MAPK12: variants seen among roughly 807,000 people sequenced by gnomAD.
MAPK12 encodes mitogen-activated protein kinase 12, also known as MAP kinase 12.
MAPK12 carries 49 observed loss-of-function variants against 49.1 expected under a neutral mutation model. That is an observed-to-expected ratio of 1.00 (90% CI 0.79 to 1.27). The LOEUF is 1.27. Among genes scored for constraint, MAPK12 ranks in the 50% most tolerant of loss-of-function variants. The pLI is 0.00. For missense variants in MAPK12, 554 were observed against 502.4 expected, an observed-to-expected ratio of 1.10 and a Z score of -0.98; for synonymous variants, 251 against 209.7, an observed-to-expected ratio of 1.20 and a Z score of -1.70.
intron 5 of MAPK12, 66 bp downstream of exon 5, chr22:50,256,869 G>A (rs1451273495): frequency 9.5e-6 from 15 of 1,577,560 alleles, no homozygotes; most frequent in African/African-American, 1.3e-5. Flanking sequence ...CCTCACAGGT[G>A]GGACGTGGAG....
chr22:50,257,775 C>T (rs1487199318), intron 3 of MAPK12: 6 of 698,254 alleles, frequency 8.6e-6, no homozygotes, highest in East Asian at 5.4e-5. Context: ...AGGCCTTCCT[C>T]GGCCTGGCCC....
intron 2 of MAPK12, among the ~76,000 whole-genome samples, chr22:50,259,161 C>T (rs1417916219): frequency 1.3e-5 from 2 of 152,140 alleles, no homozygotes; most frequent in Non-Finnish European, 2.9e-5. Context: ...AGAATGGACA[C>T]AAGCTGGAAG....
At chr22:50,256,753 G>A in intron 5 of MAPK12, 107 bp from the exon 6 acceptor site, 3 of 1,523,008 alleles carry the variant, frequency 2.0e-6, no homozygotes, top group Non-Finnish European at 2.6e-6. Flanking sequence ...TGGCCCCCTT[G>A]CTCTCTGCAG....
intron 6 of MAPK12, 44 bp downstream of exon 6, chr22:50,256,555 G>A (rs760846615): frequency 6.3e-7 from 1 of 1,595,752 alleles, no homozygotes; most frequent in Non-Finnish European, 8.5e-7. Context: ...GATCCAGAGG[G>A]GGCCCCTGCC....
intron 2 of MAPK12, among the ~76,000 whole-genome samples, chr22:50,259,856 C>T (rs2065192314): frequency 6.6e-6 from 1 of 151,264 alleles, no homozygotes; most frequent in South Asian, 2.1e-4. Flanking sequence ...TGCACTCCAG[C>T]CTGGGCAACA....
chr22:50,253,543 G>GAGTC (rs1469879350), intron 11 of MAPK12, 63 bp from the exon 12 acceptor site: 1 of 848,150 alleles, frequency 1.2e-6, no homozygotes, highest in East Asian at 2.6e-5. Context: ...TCCATCCTGG[G>GAGTC]AGTCGCTCAC....
rs780286516 is a variant in MAPK12 at position 50,261,210 on chromosome 22, G to C, written c.212C>G (p.Ala71Gly). ...PFQSELFAKRAYRELRLLKHM... is the reference protein window; with the variant it reads ...PFQSELFAKRGYRELRLLKHM... Reference sequence around the variant, plus strand: ...CTTGAGCAGGCGCAGCTCGCGGTAGGCGCGCTTGGCGAACAGCTCGGACTG... The same window carrying C: ...CTTGAGCAGGCGCAGCTCGCGGTAGCCGCGCTTGGCGAACAGCTCGGACTG... Residue 71 changes from alanine (A) to glycine (G), a missense_variant, in exon 2 of 12, where the codon GCC (alanine) becomes GGC (glycine). Transcript: ENST00000215659. 32 of 1,590,826 alleles carry C rather than the reference G, an allele frequency of 2.0e-5. No homozygotes were observed. The South Asian group carries it at 3.6e-4, about 18-fold the overall frequency.
chr22:50,255,278 G>T lies in MAPK12; in HGVS notation c.943C>A (p.His315Asn), dbSNP rs770945104. ...ALAHPYFESL[H>N]DTEDEPQVQK... ...ACCTGGGGCTCATCTTCCGTGTCGT[G>T]CAGGGACTCGAAGTAGGGATGGGCC... is the stretch of plus-strand genomic sequence containing the variant. Residue 315 changes from histidine to asparagine, a missense_variant, in exon 11 of 12, where the codon CAC becomes AAC. By Grantham distance (68) the His-to-Asn change is moderately conservative. Coordinates refer to ENST00000215659, the MANE Select transcript of MAPK12 (RefSeq NM_002969.6). 1 of 1,613,688 alleles carries T rather than the reference G, an allele frequency of 6.2e-7. No homozygotes were observed. Among genetic ancestry groups the T allele is most frequent in the African/African-American group, 1.3e-5 (1 of 74,928 alleles).
At position 50,256,199 on chromosome 22, in the gene MAPK12, T is replaced by C. The variant is rs373887039; in HGVS notation, c.505A>G (p.Ile169Val). The change falls in exon 7 of 12, where the codon ATC becomes GTC. Residue 169 changes from isoleucine to valine, a missense_variant and splice_region_variant. Physicochemically the swap from Ile to Val is conservative, Grantham distance 29. Transcript: ENST00000215659. ...LAVNEDCELK[I>V]LDFGLARQAD... ...TGCCTGGCCAGGCCGAAGTCCAGGA[T>C]CTGTGGGAAGAATTGGGGAGGTGGG... The C allele has an allele frequency of 1.9e-6, 3 of 1,610,852 alleles. No homozygotes were observed. The highest frequency in any genetic ancestry group is 2.5e-6 in the Non-Finnish European group (3 of 1,178,404).
intron 11 of MAPK12, 184 bp downstream of exon 11, chr22:50,255,013 C>G: frequency 6.8e-7 from 1 of 1,476,578 alleles, no homozygotes; most frequent in Non-Finnish European, 9.0e-7. Flanking sequence ...GGATGGGGAT[C>G]TAGGACTCTG....
At position 50,255,805 on chromosome 22, in the gene MAPK12, G is replaced by A; in HGVS notation, c.691+5C>T. Reference sequence around the variant, plus strand: ...CCCTGGTGCCGCCCTGCGGCTGGAGGATACGGTCGCTGCCCTTGAACAGCG... The same window carrying A: ...CCCTGGTGCCGCCCTGCGGCTGGAGAATACGGTCGCTGCCCTTGAACAGCG... On this transcript the variant is annotated splice_donor_5th_base_variant and intron_variant, in intron 8 of 11. Coordinates refer to ENST00000215659, the MANE Select transcript of MAPK12 (RefSeq NM_002969.6). 4 of 1,612,610 alleles carry A rather than the reference G, an allele frequency of 2.5e-6. No individual in the cohort carries two copies. The highest frequency in any genetic ancestry group is 3.4e-6 in the Non-Finnish European group (4 of 1,179,988).
In MAPK12 at chr22:50,258,226, C is replaced by T. The variant is rs778749485; in HGVS notation, c.314+17G>A. 2 of 1,612,866 alleles carry T rather than the reference C, an allele frequency of 1.2e-6. No individual in the cohort carries two copies. The highest frequency in any genetic ancestry group is 3.3e-5 in the Admixed American group (2 of 60,028). On this transcript the variant is annotated intron_variant, in intron 3 of 11. Coordinates refer to ENST00000215659, the MANE Select transcript of MAPK12 (RefSeq NM_002969.6). ...AACACCCCTCGTGCCCAGCGGCCAG[C>T]CCAGGTCGGCACTCACAAGTCCGTG...
chr22:50,259,653 C>A (rs573248698), intron 2 of MAPK12, among the ~76,000 whole-genome samples: 2 of 152,046 alleles, frequency 1.3e-5, no homozygotes, highest in Non-Finnish European at 2.9e-5. Flanking sequence ...GAAGCCGAGG[C>A]GAGCAGATCA....
chr22:50,253,360 G>T lies in MAPK12; in HGVS notation c.*41C>A. 7.1e-7 allele frequency: 1 copy of T among 1,404,404 alleles called. No homozygotes were observed. Among genetic ancestry groups the T allele is most frequent in the Non-Finnish European group, 9.9e-7 (1 of 1,013,906 alleles). The allele number at this position is 1,404,404 out of a possible 1,614,324, so 87.0% of individuals were successfully genotyped here. On this transcript the variant is annotated 3_prime_UTR_variant, in exon 12 of 12. Transcript: ENST00000215659. ...ACGAGAGTCCCCTCTCAGGTGGAAG[G>T]TGAAGGTGGTCCTCACTGCCACCCC... is the stretch of plus-strand genomic sequence containing the variant.
intron 2 of MAPK12, among the ~76,000 whole-genome samples, chr22:50,258,657 G>T (rs1196426133): frequency 6.6e-6 from 1 of 152,258 alleles, no homozygotes; most frequent in East Asian, 1.9e-4. Flanking sequence ...ACAGATCCAG[G>T]CCCAGGGTGG....
In MAPK12 at chr22:50,258,582, A is replaced by T. The variant is rs567950851; in HGVS notation, c.256-281T>A. Among the ~76,000 whole-genome samples, 4 of 152,348 alleles carry T rather than the reference A, an allele frequency of 2.6e-5. No individual in the cohort carries two copies. The East Asian group carries it at 5.8e-4, about 22-fold the overall frequency. On this transcript the variant is annotated intron_variant, in intron 2 of 11. Transcript: ENST00000215659. ...GGGGAGGGGCAACCCGGAGTCTGGG[A>T]TGGCTCCGAACCATCCAAAGGGCTC...
chr22:50,254,593 A>C, intron 11 of MAPK12: 2 of 938,762 alleles, frequency 2.1e-6, no homozygotes, highest in African/African-American at 1.8e-5. Flanking sequence ...CGGAGCTTGC[A>C]GTGAGTCAAG....
chr22:50,260,233 ACTTTGCTGGTGGACG>A (rs2065196928), intron 2 of MAPK12, among the ~76,000 whole-genome samples: 2 of 17,110 alleles, frequency 1.2e-4, no homozygotes, highest in East Asian at 1.2e-3. Flanking sequence ...GGGACGGGGC[ACTTTGCTGGTGGACG>A]GGGCACTTTG....
chr22:50,254,330 G>C (rs893266509), intron 11 of MAPK12: 1 of 153,258 alleles, frequency 6.5e-6, no homozygotes, highest in Non-Finnish European at 1.5e-5. Context: ...TGGGTATACA[G>C]TTGTCCAGGG....
Sources: allele counts gnomAD v4.1 joint callset (sites outside exome capture counted in the v4.1 genomes callset), GRCh38; gene constraint gnomAD v4.1.1; transcripts MANE v1.5; gene names NCBI Gene and HGNC (gene_info 2026-07-23, HGNC 2026-07-21).